The following CCR7 variants were observed in gnomAD, a reference collection of about 807,000 sequenced individuals.
CCR7 encodes the protein C-C motif chemokine receptor 7, also known as C-C chemokine receptor type 7.
Under a neutral mutation model 26.0 loss-of-function variants are expected in CCR7, and 11 were observed. The observed-to-expected ratio is 0.42, with a 90% CI of 0.27 to 0.70. The LOEUF (loss-of-function observed/expected upper bound fraction) is 0.70. CCR7 is among the 30% of genes least tolerant of loss of function. The probability of loss-of-function intolerance (pLI) is 0.23; values close to 1 mark genes in which losing one functional copy is unlikely to be tolerated. For synonymous variants in CCR7, 189 were observed against 202.1 expected (o/e 0.94, Z 0.55); for missense variants, 360 against 504.0 (o/e 0.71, Z 2.74).
At chr17:40,561,996 G>A (rs2036660790) in intron 1 of CCR7, among the ~76,000 whole-genome samples, 2 of 152,198 alleles carry the variant, frequency 1.3e-5, no homozygotes, top group South Asian at 2.1e-4. Context: ...CTGTCTGCAT[G>A]TATGGTCTCA....
Position 40,554,918 on chromosome 17 carries a change from C to T in CCR7, c.961G>A (p.Val321Ile), listed in dbSNP as rs780902189. The stretch of plus-strand genomic sequence containing the variant: ...ATGAAGGCGTACAAGAAAGGGTTGA[C>T]GCAGCAGCGGACGCAGGCCAGGCTG... ...TYSLACVRCC[V>I]NPFLYAFIGV... The change falls in exon 3 of 3, where the codon GTC (valine) becomes ATC (isoleucine). Residue 321 changes from valine to isoleucine, a missense_variant. Coordinates refer to ENST00000246657, the MANE Select transcript of CCR7 (RefSeq NM_001838.4). 49 of 1,614,078 alleles carry T rather than the reference C, an allele frequency of 3.0e-5. No individual in the cohort carries two copies. Among genetic ancestry groups the T allele is most frequent in the Admixed American group, 5.0e-5 (3 of 60,010 alleles).
rs757910180 is a variant in CCR7, at chr17:40,554,892, G to A, written c.987C>T (p.Ile329=). The A allele has an allele frequency of 1.4e-5, 23 of 1,614,088 alleles. No individual in the cohort carries two copies. Among genetic ancestry groups the A allele is most frequent in the Non-Finnish European group, 1.9e-5 (22 of 1,180,034 alleles). Residue 329 remains isoleucine (I), a synonymous_variant, in exon 3 of 3, where the codon ATC becomes ATT. Coordinates refer to ENST00000246657, the MANE Select transcript of CCR7 (RefSeq NM_001838.4). ...CCVNPFLYAF[I]GVKFRNDLFK... is the part of the protein sequence containing the mutation. ...AGAGATCGTTGCGGAACTTGACGCC[G>A]ATGAAGGCGTACAAGAAAGGGTTGA...
At chr17:40,556,682 A>G (rs1044936703) in intron 2 of CCR7, among the ~76,000 whole-genome samples, 1 of 152,210 alleles carries the variant, frequency 6.6e-6, no homozygotes, top group African/African-American at 2.4e-5. Flanking sequence ...GCTCCGTGAG[A>G]GAGGGAACAT....
chr17:40,556,802 G>A (rs1460684336), intron 2 of CCR7, among the ~76,000 whole-genome samples: 1 of 152,168 alleles, frequency 6.6e-6, no homozygotes, highest in African/African-American at 2.4e-5. Flanking sequence ...GTTGAGGAGG[G>A]CCTGGAGTAA....
intron 1 of CCR7, among the ~76,000 whole-genome samples, chr17:40,564,302 CT>C (rs2036684871): frequency 6.6e-6 from 1 of 152,220 alleles, no homozygotes; most frequent in Non-Finnish European, 1.5e-5. Context: ...GGGGTGACCA[CT>C]TTAACCCTTT....
rs373108256 is a variant in CCR7 at position 40,555,788 on chromosome 17, C to T, written c.91G>A (p.Asp31Asn). The T allele has an allele frequency of 3.7e-6, 6 of 1,613,744 alleles. No homozygotes were observed. Among genetic ancestry groups the T allele is most frequent in the African/African-American group, 1.3e-5 (1 of 74,902 alleles). The change falls in exon 3 of 3, where the codon GAT becomes AAT. Residue 31 changes from aspartate (D) to asparagine (N), a missense_variant. By Grantham distance (23) the Asp-to-Asn change is conservative (BLOSUM62 1). Transcript: ENST00000246657. The surrounding 1 kb of genome is among the most constrained non-coding windows in gnomAD (Gnocchi z 5.6). ...VCLCQDEVTD[D>N]YIGDNTTVDY... ...ACTGTGGTGTTGTCTCCGATGTAAT[C>T]GTCCGTGACCTCATCTTGACACAGG...
chr17:40,558,613 G>T (rs931302264), intron 2 of CCR7, among the ~76,000 whole-genome samples: 4 of 152,172 alleles, frequency 2.6e-5, no homozygotes, highest in Non-Finnish European at 5.9e-5. Context: ...CCATATTTCT[G>T]TCTCCTGGGC....
rs745769227 is a variant in CCR7, at chr17:40,554,844, G to C, written c.1035C>G (p.Gly345=). The change falls in exon 3 of 3, where the codon GGC becomes GGG. Residue 345 remains glycine, a synonymous_variant. Transcript: ENST00000246657. ...GCCGGAGCTGCTCCTGGCTGAGGCA[G>C]CCCAGGTCCTTGAAGAGCTTGAAGA... ...NDLFKLFKDL[G]CLSQEQLRQW... 8 of 1,614,238 alleles carry C rather than the reference G, an allele frequency of 5.0e-6. No individual in the cohort carries two copies. Among genetic ancestry groups the C allele is most frequent in the Non-Finnish European group, 6.8e-6 (8 of 1,180,040 alleles).
At chr17:40,559,084 C>A in intron 1 of CCR7, 142 bp from the exon 2 acceptor site, 2 of 671,172 alleles carry the variant, frequency 3.0e-6, no homozygotes, top group Non-Finnish European at 2.6e-6. Context: ...ACATCAGAAC[C>A]AGATTGTGCC....
At chr17:40,558,818 G>A in intron 2 of CCR7, 75 bp downstream of exon 2, 1 of 1,314,472 alleles carries the variant, frequency 7.6e-7, no homozygotes, top group South Asian at 1.2e-5. Flanking sequence ...CAAATGCCCA[G>A]CTCCTCCACT....
chr17:40,559,323 G>C (rs1197018722), intron 1 of CCR7, among the ~76,000 whole-genome samples: 3 of 152,216 alleles, frequency 2.0e-5, no homozygotes, highest in African/African-American at 4.8e-5. Context: ...CACTCCACCT[G>C]ATGTGGGATG....
intron 1 of CCR7, among the ~76,000 whole-genome samples, chr17:40,559,927 A>G (rs2036635988): frequency 2.0e-5 from 3 of 152,032 alleles, no homozygotes; most frequent in Admixed American, 2.0e-4. Context: ...TTTTTGCTTA[A>G]CTGAAGTGCC....
chr17:40,559,439 G>A (rs2143913923), intron 1 of CCR7, among the ~76,000 whole-genome samples: 1 of 152,348 alleles, frequency 6.6e-6, no homozygotes, highest in African/African-American at 2.4e-5. Flanking sequence ...CCAGGTGAGT[G>A]CGCAGCCACA....
At position 40,554,681 on chromosome 17, in the gene CCR7, C is replaced by T; in HGVS notation, c.*61G>A. Reference sequence around the variant, plus strand: ...GGGATGTCCTGAGTCATTGCATCTGCTCCCTATCCCCACCCCAGGGACCCT... The same window carrying T: ...GGGATGTCCTGAGTCATTGCATCTGTTCCCTATCCCCACCCCAGGGACCCT... On this transcript the variant is annotated 3_prime_UTR_variant, in exon 3 of 3. Transcript: ENST00000246657. The T allele has an allele frequency of 1.5e-6, 2 of 1,336,426 alleles. No individual in the cohort carries two copies. Among genetic ancestry groups the T allele is most frequent in the Non-Finnish European group, 2.1e-6 (2 of 966,692 alleles). The allele number at this position is 1,336,426 out of a possible 1,614,324, so 82.8% of individuals were successfully genotyped here.
At position 40,555,863 on chromosome 17, in the gene CCR7, G is replaced by A. The variant is rs1191882539; in HGVS notation, c.61-45C>T. On this transcript the variant is annotated intron_variant, in intron 2 of 2. Coordinates refer to ENST00000246657, the MANE Select transcript of CCR7 (RefSeq NM_001838.4). This position sits in a 1 kb window ranked among gnomAD's most constrained non-coding sequence, Gnocchi z 5.6. ...GGAAAACAGGCCAGTTTAGCTGGGT[G>A]GCTCCAACTCTGGCTGGGATTTAGC... The A allele has an allele frequency of 7.3e-7, 1 of 1,378,012 alleles. No homozygotes were observed. Among genetic ancestry groups the A allele is most frequent in the African/African-American group, 1.4e-5 (1 of 69,780 alleles). 85.4% of individuals were successfully genotyped at this position (1,378,012 alleles called of 1,614,324 possible).
rs372103398 is a variant in CCR7 at position 40,555,952 on chromosome 17, C to G, written c.61-134G>C. On this transcript the variant is annotated intron_variant, in intron 2 of 2. Coordinates refer to ENST00000246657, the MANE Select transcript of CCR7 (RefSeq NM_001838.4). This position sits in a 1 kb window ranked among gnomAD's most constrained non-coding sequence, Gnocchi z 5.6. The stretch of plus-strand genomic sequence containing the variant: ...ACATGGTCTCACTCTGTTGCCCAGG[C>G]TGGAGTGCAGTGGTGCAATCATGGC... 8.6e-5 allele frequency: 54 copies of G among 627,040 alleles called. 1 individual carries two copies. Among genetic ancestry groups the G allele is most frequent in the East Asian group, 4.0e-4 (14 of 35,414 alleles). 38.8% of individuals were successfully genotyped at this position (627,040 alleles called of 1,614,324 possible).
At position 40,558,887 on chromosome 17, in the gene CCR7, C is replaced by A. The variant is rs1159837537; in HGVS notation, c.60+6G>T. 6.2e-7 allele frequency: 1 copy of A among 1,613,338 alleles called. No homozygotes were observed. The highest frequency in any genetic ancestry group is 8.5e-7 in the Non-Finnish European group (1 of 1,179,402). Reference sequence around the variant, plus strand: ...GAACAGAGCTTTCCTTGGCAGAGAACCTCACCTGGAAAATGACAAGGAGAG... The same window carrying A: ...GAACAGAGCTTTCCTTGGCAGAGAAACTCACCTGGAAAATGACAAGGAGAG... On this transcript the variant is annotated splice_donor_region_variant and intron_variant, in intron 2 of 2. Coordinates refer to ENST00000246657, the MANE Select transcript of CCR7 (RefSeq NM_001838.4).
In CCR7 at chr17:40,554,636, C is replaced by T; in HGVS notation, c.*106G>A. The T allele has an allele frequency of 1.1e-6, 1 of 882,464 alleles. No individual in the cohort carries two copies. The highest frequency in any genetic ancestry group is 1.8e-6 in the Non-Finnish European group (1 of 562,332). The allele number at this position is 882,464 out of a possible 1,614,324, so 54.7% of individuals were successfully genotyped here. ...CACTCTGAGGGGAGAGCTGCTTTTCCCTGAGCAGCTTTTGGCGGGGGGATG... is the reference window on the plus strand; with the variant it reads ...CACTCTGAGGGGAGAGCTGCTTTTCTCTGAGCAGCTTTTGGCGGGGGGATG... On this transcript the variant is annotated 3_prime_UTR_variant, in exon 3 of 3. Transcript: ENST00000246657.
intron 2 of CCR7, among the ~76,000 whole-genome samples, chr17:40,556,525 G>C (rs1050809229): frequency 4.0e-5 from 6 of 150,230 alleles, no homozygotes; most frequent in Non-Finnish European, 7.4e-5. Flanking sequence ...AACTCTTTCT[G>C]TCTCTCTCTC....
Sources: allele counts gnomAD v4.1 joint callset (sites outside exome capture counted in the v4.1 genomes callset), GRCh38; gene constraint gnomAD v4.1.1; non-coding constraint Gnocchi (gnomAD v3.1); transcripts MANE v1.5; gene names NCBI Gene and HGNC (gene_info 2026-07-23, HGNC 2026-07-21).